ZNF586: variants seen among roughly 807,000 people sequenced by gnomAD.
ZNF586 encodes the protein zinc finger protein 586.
ZNF586 carries 7 observed loss-of-function variants against 6.7 expected under a neutral mutation model. That is an observed-to-expected ratio of 1.04 (90% CI 0.59 to 1.95). The LOEUF (loss-of-function observed/expected upper bound fraction) is 1.95. Ranked by LOEUF, ZNF586 falls within the 30% of genes most tolerant of loss-of-function variation. The probability of loss-of-function intolerance (pLI) is 0.00; values close to 1 mark genes in which losing one functional copy is unlikely to be tolerated. For synonymous variants in ZNF586, 166 were observed against 168.7 expected (o/e 0.98, Z 0.12); for missense variants, 442 against 489.6 (o/e 0.90, Z 0.92).
rs999095371 is a variant in ZNF586 at position 57,780,048 on chromosome 19, T to G, written c.*252T>G. On this transcript the variant is annotated 3_prime_UTR_variant, in exon 3 of 3. Transcript: ENST00000396154. ...GAAAATACCACAGATGTGGAGGTAA[T>G]ATTATTTTTTCTTCAATATAACACT... 6.1e-6 allele frequency: 3 copies of G among 492,836 alleles called. No homozygotes were observed. Among genetic ancestry groups the G allele is most frequent in the Non-Finnish European group, 1.1e-5 (3 of 282,170 alleles). The allele number at this position is 492,836 out of a possible 1,614,324, so 30.5% of individuals were successfully genotyped here.
Position 57,779,911 on chromosome 19 carries a change from G to T in ZNF586, c.*115G>T. 8 of 920,676 alleles carry T rather than the reference G, an allele frequency of 8.7e-6. No individual in the cohort carries two copies. Among genetic ancestry groups the T allele is most frequent in the Non-Finnish European group, 1.3e-5 (8 of 618,320 alleles). 57.0% of individuals were successfully genotyped at this position (920,676 alleles called of 1,614,324 possible). ...ATGGGGAATATTCTTTAGCTAGAAT[G>T]CTAGCTTCTTTACATAAAAGAGTGC... On this transcript the variant is annotated 3_prime_UTR_variant, in exon 3 of 3. Transcript: ENST00000396154.
chr19:57,780,446 T>C lies in ZNF586; in HGVS notation c.*650T>C, dbSNP rs1437068751. ...CTTCTGATAACTTGAAAAAATGGAC[T>C]ACCTTTTTCAGGGATCTTTTGGATC... On this transcript the variant is annotated 3_prime_UTR_variant, in exon 3 of 3. Coordinates refer to ENST00000396154, the MANE Select transcript of ZNF586 (RefSeq NM_017652.4). 6.6e-6 allele frequency: 1 copy of C among 152,218 alleles called. No individual in the cohort carries two copies. The highest frequency in any genetic ancestry group is 1.5e-5 in the Non-Finnish European group (1 of 68,050). The allele number at this position is 152,218 out of a possible 1,614,324, so 9.4% of individuals were successfully genotyped here.
chr19:57,779,466 T>C lies in ZNF586; in HGVS notation c.879T>C (p.Ser293=), dbSNP rs777892578. ...CTAGAGAAAGGCCTTATGAATGTAGTGAATGTGGGAAATCCTTTAGCTTAA... is the reference window on the plus strand; with the variant it reads ...CTAGAGAAAGGCCTTATGAATGTAGCGAATGTGGGAAATCCTTTAGCTTAA... ...VHTRERPYEC[S]ECGKSFSLRS... is the part of the protein sequence containing the mutation. The change falls in exon 3 of 3, where the codon AGT becomes AGC. Residue 293 remains serine (S), a synonymous_variant. Transcript: ENST00000396154. The C allele has an allele frequency of 1.2e-6, 2 of 1,614,062 alleles. No homozygotes were observed. The highest frequency in any genetic ancestry group is 8.5e-7 in the Non-Finnish European group (1 of 1,180,016).
rs1438827981 is a variant in ZNF586, at chr19:57,780,282, A to G, written c.*486A>G. 6.2e-6 allele frequency: 1 copy of G among 160,342 alleles called. No individual in the cohort carries two copies. 9.9% of individuals were successfully genotyped at this position (160,342 alleles called of 1,614,324 possible). A position where few individuals can be genotyped will look rare whatever the true frequency, so the allele number is the denominator to read the frequency against. On this transcript the variant is annotated 3_prime_UTR_variant, in exon 3 of 3. Coordinates refer to ENST00000396154, the MANE Select transcript of ZNF586 (RefSeq NM_017652.4). ...CCACAGTACATCATTCGCCTAACTC[A>G]TCATGATCCAGAAGTAACTTTGATT...
At position 57,779,820 on chromosome 19, in the gene ZNF586, C is replaced by T; in HGVS notation, c.*24C>T. On this transcript the variant is annotated 3_prime_UTR_variant, in exon 3 of 3. Transcript: ENST00000396154. The stretch of plus-strand genomic sequence containing the variant: ...GAAGCAAATTTTGGAAATTCTCTTG[C>T]CCAGGCTTTTTGCTCCTTCAAGGCC... 1 of 1,549,508 alleles carries T rather than the reference C, an allele frequency of 6.5e-7. No homozygotes were observed.
intron 1 of ZNF586, chr19:57,774,872 T>G (rs1037941192): frequency 2.3e-6 from 1 of 435,408 alleles, no homozygotes; most frequent in Non-Finnish European, 3.1e-6. Context: ...TCACATGGTC[T>G]GAGTGCAAAT....
Position 57,779,453 on chromosome 19 carries a change from C to G in ZNF586, c.866C>G (p.Pro289Arg). 6.2e-7 allele frequency: 1 copy of G among 1,614,006 alleles called. No individual in the cohort carries two copies. The highest frequency in any genetic ancestry group is 8.5e-7 in the Non-Finnish European group (1 of 1,180,012). The change falls in exon 3 of 3, where the codon CCT becomes CGT. Residue 289 changes from proline (P) to arginine (R), a missense_variant. Physicochemically the swap from Pro to Arg is moderately radical, Grantham distance 103 (BLOSUM62 -2). Transcript: ENST00000396154. ...CAGAGAGTTCACACTAGAGAAAGGC[C>G]TTATGAATGTAGTGAATGTGGGAAA... is the stretch of plus-strand genomic sequence containing the variant. ...QHQRVHTRER[P>R]YECSECGKSF... is the part of the protein sequence containing the mutation.
chr19:57,774,868 G>A (rs551614034), intron 1 of ZNF586: 415 of 470,150 alleles, frequency 8.8e-4, no homozygotes, highest in Non-Finnish European at 1.1e-3. Flanking sequence ...TACCTCACAT[G>A]GTCTGAGTGC....
rs764667458 is a variant in ZNF586, at chr19:57,779,429, A to G, written c.842A>G (p.Gln281Arg). ...CGAAGCTCTTCACTCTTGCAGCATC[A>G]GAGAGTTCACACTAGAGAAAGGCCT... ...FRRSSSLLQHQRVHTRERPYE... is the reference protein window; with the variant it reads ...FRRSSSLLQHRRVHTRERPYE... The change falls in exon 3 of 3, where the codon CAG (glutamine) becomes CGG (arginine). Residue 281 changes from glutamine (Q) to arginine (R), a missense_variant. Physicochemically the swap from Gln to Arg is conservative, Grantham distance 43. Coordinates refer to ENST00000396154, the MANE Select transcript of ZNF586 (RefSeq NM_017652.4). 1 of 1,613,846 alleles carries G rather than the reference A, an allele frequency of 6.2e-7. No homozygotes were observed. The highest frequency in any genetic ancestry group is 1.1e-5 in the South Asian group (1 of 91,068).
At chr19:57,769,900 C>G (rs1987046702) in intron 1 of ZNF586, 22 bp downstream of exon 1, 7 of 1,523,708 alleles carry the variant, frequency 4.6e-6, no homozygotes, top group African/African-American at 1.4e-5. Context: ...GACCTCCGGG[C>G]CTTACCCACC....
At chr19:57,772,788 G>A (rs1250223459) in intron 1 of ZNF586, among the ~76,000 whole-genome samples, 1 of 152,118 alleles carries the variant, frequency 6.6e-6, no homozygotes, top group Non-Finnish European at 1.5e-5. Context: ...GTTTTATGGA[G>A]GCTTTATTAC....
chr19:57,773,393 C>A (rs1282511433), intron 1 of ZNF586, among the ~76,000 whole-genome samples: 1 of 54,672 alleles, frequency 1.8e-5, no homozygotes, highest in Non-Finnish European at 3.7e-5. Context: ...ACATCTGTTT[C>A]TTCTTCTTCT....
In ZNF586 at chr19:57,779,139, G is replaced by A; in HGVS notation, c.552G>A (p.Gly184=). 6.2e-7 allele frequency: 1 copy of A among 1,613,866 alleles called. No homozygotes were observed. The highest frequency in any genetic ancestry group is 1.1e-5 in the South Asian group (1 of 91,066). ...GGCCTTATGAGTGTATTGAATGTGG[G>A]AAAGCCTTTGCTGAAAAGTCCAGTC... ...RERPYECIEC[G]KAFAEKSSLI... is the part of the protein sequence containing the mutation. The change falls in exon 3 of 3, where the codon GGG becomes GGA. Residue 184 remains glycine, a synonymous_variant. Transcript: ENST00000396154.
At chr19:57,770,022 C>A in intron 1 of ZNF586, 144 bp downstream of exon 1, 1 of 778,104 alleles carries the variant, frequency 1.3e-6, no homozygotes, top group Non-Finnish European at 1.9e-6. Flanking sequence ...TCCCTGTTTC[C>A]GACACCCAGT....
chr19:57,775,600 C>T lies in ZNF586; in HGVS notation c.37-943C>T, dbSNP rs956938821. 4.7e-3 allele frequency among the ~76,000 whole-genome samples: 581 copies of T among 122,782 alleles called. 6 individuals are homozygous for T. The highest frequency in any genetic ancestry group is 0.017 in the African/African-American group (538 of 31,528). 80.5% of individuals were successfully genotyped at this position (122,782 alleles called of 152,430 possible). A position where few individuals can be genotyped will look rare whatever the true frequency, so the allele number is the denominator to read the frequency against. On this transcript the variant is annotated intron_variant, in intron 1 of 2. Transcript: ENST00000396154. Reference sequence around the variant, plus strand: ...TTACATACCACAATCCCTGGTTGCTCTTTTTTTTTTTTTTTTTTTTGAGAC... The same window carrying T: ...TTACATACCACAATCCCTGGTTGCTTTTTTTTTTTTTTTTTTTTTTGAGAC...
intron 1 of ZNF586, among the ~76,000 whole-genome samples, chr19:57,775,683 A>G (rs1039411353): frequency 2.0e-5 from 3 of 149,128 alleles, no homozygotes; most frequent in African/African-American, 7.5e-5. Context: ...GCTCACTGCA[A>G]CCTCCATCTC....
chr19:57,769,875 T>C lies in ZNF586; in HGVS notation c.33T>C (p.Ala11=). 6.5e-7 allele frequency: 1 copy of C among 1,542,000 alleles called. No individual in the cohort carries two copies. Among genetic ancestry groups the C allele is most frequent in the Non-Finnish European group, 8.7e-7 (1 of 1,144,138 alleles). Residue 11 remains alanine (A), a synonymous_variant, in exon 1 of 3, where the codon GCT becomes GCC. Coordinates refer to ENST00000396154, the MANE Select transcript of ZNF586 (RefSeq NM_017652.4). ...CAGCAGCCGCTCTGAGGGCGCCTGC[T>C]CAGGTGAGCGCTGCGACCTCCGGGC... MAAAAALRAP[A]QSSVTFEDVA...
intron 1 of ZNF586, among the ~76,000 whole-genome samples, chr19:57,772,345 C>T (rs1987116696): frequency 6.6e-6 from 1 of 152,204 alleles, no homozygotes; most frequent in Non-Finnish European, 1.5e-5. Context: ...CCACAACAAT[C>T]AACACAGAGT....
rs771271669 is a variant in ZNF586 at position 57,778,941 on chromosome 19, A to AGTGC, written c.355_356insTGCG (p.Glu119ValfsTer6). The AGTGC allele has an allele frequency of 1.5e-5, 24 of 1,614,118 alleles. No homozygotes were observed. On this transcript the variant is annotated frameshift_variant, in exon 3 of 3. Transcript: ENST00000396154. LOFTEE classifies it low-confidence loss of function (END_TRUNC). ...ACAAACACAGGAATGTTCGCACTGG[A>AGTGC]GAAAGGCCTTATGAGTGCAGCAAAT...
Sources: gnomAD v4.1 joint callset for allele counts (sites outside exome capture counted in the v4.1 genomes callset) on GRCh38, gnomAD v4.1.1 for gene constraint, MANE v1.5 for transcripts, NCBI Gene and HGNC (gene_info 2026-07-23, HGNC 2026-07-21) for gene names.